TGM6: variants seen among roughly 807,000 people sequenced by gnomAD.
TGM6 encodes the protein transglutaminase 6.
A neutral mutation model predicts 77.5 loss-of-function variants in TGM6; 74 were observed. That is an observed-to-expected ratio of 0.96 (90% confidence interval 0.79 to 1.16). TGM6 has a LOEUF of 1.16. Among genes scored for constraint, TGM6 ranks in the 50% most tolerant of loss-of-function variants. The pLI is 0.00. For synonymous variants in TGM6, 383 were observed against 378.9 expected, an observed-to-expected ratio of 1.01 and a Z score of -0.12; for missense variants, 968 against 940.2, an observed-to-expected ratio of 1.03 and a Z score of -0.39.
rs2084920095 is a variant in TGM6 at position 2,430,950 on chromosome 20, C to G, written c.1890C>G (p.Asn630Lys). The change falls in exon 12 of 13, where the codon AAC becomes AAG. Residue 630 changes from asparagine (N) to lysine (K), a missense_variant. By Grantham distance (94) the Asn-to-Lys change is moderately conservative. Transcript: ENST00000202625. ...VAVTVEVTVV[N>K]PLIERVKDCA... ...TTACAGTGGAAGTGACAGTAGTCAA[C>G]CCCCTCATAGAGAGAGTGAAGGACT... The G allele has an allele frequency of 6.2e-7, 1 of 1,614,114 alleles. No individual in the cohort carries two copies. The highest frequency in any genetic ancestry group is 8.5e-7 in the Non-Finnish European group (1 of 1,180,032).
rs2084918902 is a variant in TGM6, at chr20:2,430,804, A to G, written c.1834-90A>G. 14 of 1,610,022 alleles carry G rather than the reference A, an allele frequency of 8.7e-6. No individual in the cohort carries two copies. In the Admixed American group the frequency reaches 2.3e-4, roughly 27 times the overall value. On this transcript the variant is annotated intron_variant, in intron 11 of 12. Coordinates refer to ENST00000202625, the MANE Select transcript of TGM6 (RefSeq NM_198994.3). ...TATGGAGGTGGGGGTGGACATGACTAATGATCCATCCTCTAACTCAGCCAG... is the reference window on the plus strand; with the variant it reads ...TATGGAGGTGGGGGTGGACATGACTGATGATCCATCCTCTAACTCAGCCAG...
intron 10 of TGM6, among the ~76,000 whole-genome samples, chr20:2,427,788 T>C (rs1663784483): frequency 6.6e-6 from 1 of 152,082 alleles, no homozygotes; most frequent in Admixed American, 6.6e-5. Context: ...CAGAGTCTCG[T>C]TCTGTCACCC....
chr20:2,415,989 C>T (rs1031164292), intron 9 of TGM6, among the ~76,000 whole-genome samples: 21 of 152,126 alleles, frequency 1.4e-4, no homozygotes, highest in Admixed American at 2.0e-4. Context: ...CAAGAGAGTG[C>T]GTTCCCTCTA....
intron 3 of TGM6, 71 bp from the exon 4 acceptor site, chr20:2,396,435 G>T: frequency 6.7e-7 from 1 of 1,495,020 alleles, no homozygotes; most frequent in South Asian, 1.1e-5. Context: ...GCTGATCCCT[G>T]ATGCAGCCCC....
chr20:2,431,094 G>C, intron 12 of TGM6, 67 bp downstream of exon 12: 1 of 1,592,700 alleles, frequency 6.3e-7, no homozygotes, highest in Non-Finnish European at 8.6e-7. Flanking sequence ...CCAGAGAGAA[G>C]TTGCCAGGGA....
intron 10 of TGM6, among the ~76,000 whole-genome samples, chr20:2,421,850 G>A (rs8113916): frequency 0.13 from 19,054 of 151,984 alleles, 1,299 homozygotes; most frequent in Admixed American, 0.17. Context: ...AAAAATTACC[G>A]GCTGGATGTG....
rs558395382 is a variant in TGM6, at chr20:2,428,628, T to C, written c.1679-1818T>C. On this transcript the variant is annotated intron_variant, in intron 10 of 12. Coordinates refer to ENST00000202625, the MANE Select transcript of TGM6 (RefSeq NM_198994.3). ...CTTACTACCTAATGAGCATTCAATT[T>C]ATGTTTATTATCAGTGTTTTTGATA... Among the ~76,000 whole-genome samples the C allele has an allele frequency of 1.6e-3, 250 of 152,246 alleles. 1 individual carries two copies. Among genetic ancestry groups the C allele is most frequent in the South Asian group, 9.9e-3 (48 of 4,828 alleles).
chr20:2,414,970 T>C (rs1324964632), intron 9 of TGM6, among the ~76,000 whole-genome samples: 1 of 151,536 alleles, frequency 6.6e-6, no homozygotes, highest in Non-Finnish European at 1.5e-5. Context: ...AAAATTAGAT[T>C]GTGGTGACGG....
At chr20:2,414,665 C>A (rs1454886240) in intron 9 of TGM6, among the ~76,000 whole-genome samples, 1 of 152,010 alleles carries the variant, frequency 6.6e-6, no homozygotes, top group Non-Finnish European at 1.5e-5. Flanking sequence ...GCTCAAATAC[C>A]CATCAATAGA....
At chr20:2,385,945 A>C (rs1292993012) in intron 1 of TGM6, among the ~76,000 whole-genome samples, 1 of 152,220 alleles carries the variant, frequency 6.6e-6, no homozygotes, top group Non-Finnish European at 1.5e-5. Context: ...GTATGTAAGC[A>C]AACAACTATA....
chr20:2,392,064 A>G (rs2122339347), intron 1 of TGM6, among the ~76,000 whole-genome samples: 1 of 152,046 alleles, frequency 6.6e-6, no homozygotes, highest in African/African-American at 2.4e-5. Flanking sequence ...TGCTCCTGGG[A>G]CTCCCAATGC....
chr20:2,417,484 A>G lies in TGM6; in HGVS notation c.1589A>G (p.Asn530Ser), dbSNP rs1487699137. The G allele has an allele frequency of 9.9e-6, 16 of 1,609,210 alleles. No individual in the cohort carries two copies. The highest frequency in any genetic ancestry group is 1.4e-5 in the Non-Finnish European group (16 of 1,179,872). Residue 530 changes from asparagine to serine, a missense_variant, in exon 10 of 13, where the codon AAC becomes AGC. Physicochemically the swap from Asn to Ser is conservative, Grantham distance 46 (BLOSUM62 1). Coordinates refer to ENST00000202625, the MANE Select transcript of TGM6 (RefSeq NM_198994.3). Reference protein sequence around the residue: ...LTSRAQRVRVNLSGATILYTR... With the variant: ...LTSRAQRVRVSLSGATILYTR... ...TCCCGGGCCCAGCGGGTGAGGGTCA[A>G]CCTGAGCGGTGCCACCATCCTCTAT...
At chr20:2,405,187 G>A (rs1271292135) in intron 9 of TGM6, among the ~76,000 whole-genome samples, 2 of 152,186 alleles carry the variant, frequency 1.3e-5, no homozygotes, top group African/African-American at 2.4e-5. Flanking sequence ...TTTCTGAATA[G>A]CAGCAACATT....
chr20:2,388,234 T>C (rs2084608720), intron 1 of TGM6, among the ~76,000 whole-genome samples: 1 of 152,184 alleles, frequency 6.6e-6, no homozygotes, highest in Non-Finnish European at 1.5e-5. Context: ...CACATGCTGT[T>C]AACTAAAAGA....
At position 2,395,252 on chromosome 20, in the gene TGM6, G is replaced by A; in HGVS notation, c.240G>A (p.Glu80=). The A allele has an allele frequency of 1.2e-6, 2 of 1,614,144 alleles. No individual in the cohort carries two copies. The highest frequency in any genetic ancestry group is 1.7e-6 in the Non-Finnish European group (2 of 1,180,030). The change falls in exon 3 of 13, where the codon GAG becomes GAA. Residue 80 remains glutamate, a synonymous_variant. Coordinates refer to ENST00000202625, the MANE Select transcript of TGM6 (RefSeq NM_198994.3). The part of the protein sequence containing the change: ...TKAVFQTSEL[E]RGEGWTAARE... ...CTGTGTTCCAGACATCGGAGCTGGA[G>A]CGGGGTGAGGGCTGGACAGCAGCAA... is the stretch of plus-strand genomic sequence containing the variant.
chr20:2,397,847 G>A, intron 4 of TGM6, 71 bp from the exon 5 acceptor site: 1 of 1,613,328 alleles, frequency 6.2e-7, no homozygotes, highest in South Asian at 1.1e-5. Context: ...CTGACCGGGT[G>A]AGGGCTGTGG....
At chr20:2,398,372 G>T (rs958237442) in intron 5 of TGM6, among the ~76,000 whole-genome samples, 6 of 152,080 alleles carry the variant, frequency 3.9e-5, no homozygotes, top group Non-Finnish European at 7.4e-5. Context: ...GCAGTTCCTA[G>T]GTTGCCATCC....
At chr20:2,426,381 C>T (rs893639131) in intron 10 of TGM6, among the ~76,000 whole-genome samples, 2 of 152,112 alleles carry the variant, frequency 1.3e-5, no homozygotes, top group African/African-American at 2.4e-5. Context: ...TATTACCACT[C>T]ATAAGTTCCA....
intron 10 of TGM6, among the ~76,000 whole-genome samples, chr20:2,429,197 A>G (rs1229424046): frequency 6.6e-6 from 1 of 152,212 alleles, no homozygotes; most frequent in Non-Finnish European, 1.5e-5. Context: ...AAGGGAGCCC[A>G]TAAAACAAAA....
Sources: gnomAD v4.1 joint callset for allele counts (sites outside exome capture counted in the v4.1 genomes callset) on GRCh38, gnomAD v4.1.1 for gene constraint, MANE v1.5 for transcripts, NCBI Gene and HGNC (gene_info 2026-07-23, HGNC 2026-07-21) for gene names.